COL7A1: variants seen among roughly 807,000 people sequenced by gnomAD.
COL7A1 encodes collagen alpha-1(VII) chain.
In COL7A1, 296 loss-of-function variants were observed where a neutral mutation model predicts 456.2. The ratio of observed to expected loss-of-function variants is 0.65; its 90% CI spans 0.59 to 0.71. The LOEUF is 0.71. Ranked by LOEUF, COL7A1 falls within the 30% of genes least tolerant of loss-of-function variation. COL7A1 has a pLI of 0.00. For synonymous variants in COL7A1, 1,464 were observed against 1,525.9 expected, an observed-to-expected ratio of 0.96 and a Z score of 0.95; for missense variants, 3,441 against 4,017.2, an observed-to-expected ratio of 0.86 and a Z score of 3.88.
Position 48,566,194 on chromosome 3 carries a change from G to T in COL7A1, c.8407+73C>A. The T allele has an allele frequency of 6.6e-7, 1 of 1,511,910 alleles. No individual in the cohort carries two copies. The highest frequency in any genetic ancestry group is 9.0e-7 in the Non-Finnish European group (1 of 1,108,956). The allele number at this position is 1,511,910 out of a possible 1,614,324, so 93.7% of individuals were successfully genotyped here. A position where few individuals can be genotyped will look rare whatever the true frequency, so the allele number is the denominator to read the frequency against. On this transcript the variant is annotated intron_variant, in intron 114 of 118. Coordinates refer to ENST00000681320, the MANE Select transcript of COL7A1 (RefSeq NM_000094.4). This position sits in a 1 kb window ranked among gnomAD's most constrained non-coding sequence, Gnocchi z 5.9. Reference sequence around the variant, plus strand: ...ATCTTCTTGACTGCTTGCCCTGTAAGTTCTAGGGGCCTGCCTGCCCTTGCC... The same window carrying T: ...ATCTTCTTGACTGCTTGCCCTGTAATTTCTAGGGGCCTGCCTGCCCTTGCC...
At position 48,571,354 on chromosome 3, in the gene COL7A1, C is replaced by T. The variant is rs1336399039; in HGVS notation, c.7069-76G>A. 11 of 1,571,014 alleles carry T rather than the reference C, an allele frequency of 7.0e-6. No homozygotes were observed. The East Asian group carries it at 2.5e-4, about 35-fold the overall frequency. ...AGTTCAGACACGGGCTGAAAATATT[C>T]CCAGGGGAGTTCTGATGTGACCATG... is the stretch of plus-strand genomic sequence containing the variant. On this transcript the variant is annotated intron_variant, in intron 92 of 118. Transcript: ENST00000681320. This position sits in a 1 kb window ranked among gnomAD's most constrained non-coding sequence, Gnocchi z 4.6.
Position 48,566,248 on chromosome 3 carries a change from C to A in COL7A1, c.8407+19G>T, listed in dbSNP as rs368960804. On this transcript the variant is annotated intron_variant, in intron 114 of 118. Coordinates refer to ENST00000681320, the MANE Select transcript of COL7A1 (RefSeq NM_000094.4). The surrounding 1 kb of genome is among the most constrained non-coding windows in gnomAD (Gnocchi z 5.9). ...GGTGCTGGGGTGGAGTGGGAGACTG[C>A]GGGCTGGGCACCACTCACCACAGTG... 108 of 1,592,202 alleles carry A rather than the reference C, an allele frequency of 6.8e-5. No individual in the cohort carries two copies. The highest frequency in any genetic ancestry group is 8.9e-5 in the Non-Finnish European group (104 of 1,170,600).
Position 48,583,822 on chromosome 3 carries a change from G to A in COL7A1, c.4279-42C>T. 7 of 1,613,434 alleles carry A rather than the reference G, an allele frequency of 4.3e-6. No individual in the cohort carries two copies. The highest frequency in any genetic ancestry group is 5.9e-6 in the Non-Finnish European group (7 of 1,179,632). ...AAAAATATGAGCCAAGAACTATGAA[G>A]CCCAGCACCCAACCACTGCCCCAGG... On this transcript the variant is annotated intron_variant, in intron 39 of 118. Transcript: ENST00000681320. This position sits in a 1 kb window ranked among gnomAD's most constrained non-coding sequence, Gnocchi z 5.1.
intron 71 of COL7A1, 83 bp downstream of exon 71, chr3:48,576,166 T>C (rs947831714): frequency 6.3e-7 from 1 of 1,594,960 alleles, no homozygotes; most frequent in Non-Finnish European, 8.6e-7. Context: ...CTATGGAGCC[T>C]CATGGCAAGG....
chr3:48,577,557 C>T lies in COL7A1; in HGVS notation c.5533-530G>A, dbSNP rs577001709. ...TGGGTGACCATATAAAGTCATGGGC[C>T]AGCATGTCCTAGCACATGTCACAGG... is the stretch of plus-strand genomic sequence containing the variant. On this transcript the variant is annotated intron_variant, in intron 65 of 118. Coordinates refer to ENST00000681320, the MANE Select transcript of COL7A1 (RefSeq NM_000094.4). Among the ~76,000 whole-genome samples, 4 of 152,302 alleles carry T rather than the reference C, an allele frequency of 2.6e-5. No individual in the cohort carries two copies. The South Asian group carries it at 8.3e-4, about 32-fold the overall frequency.
At position 48,566,451 on chromosome 3, in the gene COL7A1, G is replaced by A; in HGVS notation, c.8358+59C>T. On this transcript the variant is annotated intron_variant, in intron 113 of 118. Transcript: ENST00000681320. This position sits in a 1 kb window ranked among gnomAD's most constrained non-coding sequence, Gnocchi z 5.9. ...TCAGGGTGCTGGGTGAGGGAGGTAG[G>A]GCCCCAGCCCACCCAGGCCCACCCA... 6.2e-7 allele frequency: 1 copy of A among 1,610,016 alleles called. No homozygotes were observed. The highest frequency in any genetic ancestry group is 1.3e-5 in the African/African-American group (1 of 74,954).
At position 48,567,079 on chromosome 3, in the gene COL7A1, C is replaced by T. The variant is rs575419629; in HGVS notation, c.8109+49G>A. On this transcript the variant is annotated intron_variant, in intron 110 of 118. Coordinates refer to ENST00000681320, the MANE Select transcript of COL7A1 (RefSeq NM_000094.4). This position sits in a 1 kb window ranked among gnomAD's most constrained non-coding sequence, Gnocchi z 4.3. ...AGAGGCCCCAGAGATGGACCCTCTC[C>T]CAAAGTGCACGCTCCCCTCAATTCA... 6.2e-7 allele frequency: 1 copy of T among 1,613,414 alleles called. No homozygotes were observed. Among genetic ancestry groups the T allele is most frequent in the Admixed American group, 1.7e-5 (1 of 59,990 alleles).
chr3:48,580,806 TA>T lies in COL7A1; in HGVS notation c.4980+75del. On this transcript the variant is annotated intron_variant, in intron 54 of 118. Coordinates refer to ENST00000681320, the MANE Select transcript of COL7A1 (RefSeq NM_000094.4). The surrounding 1 kb of genome is among the most constrained non-coding windows in gnomAD (Gnocchi z 4.5). The stretch of plus-strand genomic sequence containing the variant: ...CCCTGCAGGGACTCCCATCACCCCT[TA>T]CCCCCCTCAGCCTTTCCTATCACCT... 6.3e-7 allele frequency: 1 copy of T among 1,595,060 alleles called. No homozygotes were observed. The highest frequency in any genetic ancestry group is 8.6e-7 in the Non-Finnish European group (1 of 1,163,164).
At chr3:48,576,124 T>C in intron 71 of COL7A1, 125 bp downstream of exon 71, 1 of 1,485,918 alleles carries the variant, frequency 6.7e-7, no homozygotes, top group African/African-American at 1.4e-5. Flanking sequence ...AGAACCCCAA[T>C]GGGGCAGGGC....
chr3:48,567,145 C>T lies in COL7A1; in HGVS notation c.8092G>A (p.Gly2698Ser). Residue 2698 changes from glycine (G) to serine (S), a missense_variant, in exon 110 of 119, where the codon GGC becomes AGC. This residue lies in a region of COL7A1 where 2,084 missense variants were observed against 2,501.3 expected (regional missense o/e 0.83). Coordinates refer to ENST00000681320, the MANE Select transcript of COL7A1 (RefSeq NM_000094.4). This position sits in a 1 kb window ranked among gnomAD's most constrained non-coding sequence, Gnocchi z 4.3. ...DGQPGPKGDQ[G>S]EKGERGTPGI... ...CAACTCACCCGCTCCCCTTTCTCGC[C>T]CTGGTCACCCTTGGGGCCTGGCTGC... 2 of 1,614,082 alleles carry T rather than the reference C, an allele frequency of 1.2e-6. No homozygotes were observed. The highest frequency in any genetic ancestry group is 1.7e-6 in the Non-Finnish European group (2 of 1,179,986).
In COL7A1 at chr3:48,574,967, C is replaced by T. The variant is rs2044187606; in HGVS notation, c.6279+97G>A. ...CAGAGGGTTATAGGGTCAGAAATTC[C>T]AGGGTTATGGCACACACTACCATAT... On this transcript the variant is annotated intron_variant, in intron 76 of 118. Coordinates refer to ENST00000681320, the MANE Select transcript of COL7A1 (RefSeq NM_000094.4). The surrounding 1 kb of genome is among the most constrained non-coding windows in gnomAD (Gnocchi z 5.0). 1 of 1,575,240 alleles carries T rather than the reference C, an allele frequency of 6.3e-7. No homozygotes were observed. Among genetic ancestry groups the T allele is most frequent in the South Asian group, 1.1e-5 (1 of 89,840 alleles).
rs983476178 is a variant in COL7A1 at position 48,570,884 on chromosome 3, G to C, written c.7249C>G (p.Gln2417Glu). ...GQTGPRGEMG[Q>E]PGPSGERGLA... ...ACCCGCTCTCCACTAGGGCCTGGCT[G>C]ACCCATCTCTCCTCGAGGGCCTGTC... The change falls in exon 95 of 119, where the codon CAG becomes GAG. Residue 2417 changes from glutamine to glutamate, a missense_variant. Coordinates refer to ENST00000681320, the MANE Select transcript of COL7A1 (RefSeq NM_000094.4). The surrounding 1 kb of genome is among the most constrained non-coding windows in gnomAD (Gnocchi z 5.5). 6.2e-7 allele frequency: 1 copy of C among 1,613,020 alleles called. No homozygotes were observed.
In COL7A1 at chr3:48,574,914, G is replaced by A. The variant is rs1251047055; in HGVS notation, c.6280-49C>T. 10 of 1,599,488 alleles carry A rather than the reference G, an allele frequency of 6.3e-6. No individual in the cohort carries two copies. In the South Asian group the frequency reaches 9.9e-5, roughly 16 times the overall value. On this transcript the variant is annotated intron_variant, in intron 76 of 118. Transcript: ENST00000681320. This position sits in a 1 kb window ranked among gnomAD's most constrained non-coding sequence, Gnocchi z 5.0. ...AGAGATGTCTCTGTCATAGAGGCAT[G>A]GGGGAGTCATCACAGATCTCAGGAT...
In COL7A1 at chr3:48,586,857, TGA is replaced by T. The variant is rs1176817485; in HGVS notation, c.3276+113_3276+114del. On this transcript the variant is annotated intron_variant, in intron 25 of 118. Coordinates refer to ENST00000681320, the MANE Select transcript of COL7A1 (RefSeq NM_000094.4). This position sits in a 1 kb window ranked among gnomAD's most constrained non-coding sequence, Gnocchi z 5.1. ...GGCAGTAGGTGAGGTCTGGAGCCTG[TGA>T]GAGAGCTGGGAGAATGCCTGAACCT... 3 of 1,525,806 alleles carry T rather than the reference TGA, an allele frequency of 2.0e-6. No homozygotes were observed. The highest frequency in any genetic ancestry group is 2.7e-6 in the Non-Finnish European group (3 of 1,126,678). The allele number at this position is 1,525,806 out of a possible 1,614,324, so 94.5% of individuals were successfully genotyped here.
At position 48,588,516 on chromosome 3, in the gene COL7A1, C is replaced by T. The variant is rs377520290; in HGVS notation, c.2588-112G>A. Reference sequence around the variant, plus strand: ...CCAGCCTCTCAGACCCCTCTCCCTCCTCTCAGACCCTGCCCCCAAAGGCTC... The same window carrying T: ...CCAGCCTCTCAGACCCCTCTCCCTCTTCTCAGACCCTGCCCCCAAAGGCTC... On this transcript the variant is annotated intron_variant, in intron 20 of 118. Transcript: ENST00000681320. This position sits in a 1 kb window ranked among gnomAD's most constrained non-coding sequence, Gnocchi z 4.6. 5 of 1,600,276 alleles carry T rather than the reference C, an allele frequency of 3.1e-6. No individual in the cohort carries two copies. In the African/African-American group the frequency reaches 5.3e-5, roughly 17 times the overall value.
Position 48,575,284 on chromosome 3 carries a change from T to TTGCCCC in COL7A1, c.6181-43_6181-42insGGGGCA. On this transcript the variant is annotated intron_variant, in intron 74 of 118. Transcript: ENST00000681320. This position sits in a 1 kb window ranked among gnomAD's most constrained non-coding sequence, Gnocchi z 6.3. ...GGGTGAGGGCCAAGCCCATGGGGGGTCCCACCCCTCCCAACCCCTCTTCCC... is the reference window on the plus strand; with the variant it reads ...GGGTGAGGGCCAAGCCCATGGGGGGTTGCCCCCCCACCCCTCCCAACCCCTCTTCCC... The TTGCCCC allele has an allele frequency of 2.6e-6, 4 of 1,533,446 alleles. No individual in the cohort carries two copies. Among genetic ancestry groups the TTGCCCC allele is most frequent in the Non-Finnish European group, 3.6e-6 (4 of 1,110,796 alleles). 95.0% of individuals were successfully genotyped at this position (1,533,446 alleles called of 1,614,324 possible). A position where few individuals can be genotyped will look rare whatever the true frequency, so the allele number is the denominator to read the frequency against.
In COL7A1 at chr3:48,589,453, A is replaced by G. The variant is rs1575482956; in HGVS notation, c.2188T>C (p.Leu730=). The change falls in exon 18 of 119, where the codon TTG becomes CTG. Residue 730 remains leucine, a synonymous_variant. Coordinates refer to ENST00000681320, the MANE Select transcript of COL7A1 (RefSeq NM_000094.4). The part of the protein sequence containing the change: ...HSAHGPEKSQ[L]VSGEATVAEL... ...GCCACCGTGGCCTCCCCAGAAACCA[A>G]CTGGGATTTCTCTGGGCCTGGGAAC... 1 of 1,613,654 alleles carries G rather than the reference A, an allele frequency of 6.2e-7. No homozygotes were observed. Among genetic ancestry groups the G allele is most frequent in the Non-Finnish European group, 8.5e-7 (1 of 1,179,994 alleles).
At position 48,566,747 on chromosome 3, in the gene COL7A1, A is replaced by G. The variant is rs374975690; in HGVS notation, c.8227-10T>C. The G allele has an allele frequency of 6.2e-7, 1 of 1,613,452 alleles. No homozygotes were observed. Among genetic ancestry groups the G allele is most frequent in the African/African-American group, 1.3e-5 (1 of 74,892 alleles). On this transcript the variant is annotated splice_polypyrimidine_tract_variant and intron_variant, in intron 111 of 118. Transcript: ENST00000681320. This position sits in a 1 kb window ranked among gnomAD's most constrained non-coding sequence, Gnocchi z 5.9. The stretch of plus-strand genomic sequence containing the variant: ...GGGGACCTCGCTCACCCTGTCAGAC[A>G]CAGGGACCAAGTGAGCAGGGTCAGA...
Position 48,590,158 on chromosome 3 carries a change from G to C in COL7A1, c.2050+55C>G. On this transcript the variant is annotated intron_variant, in intron 16 of 118. Transcript: ENST00000681320. This position sits in a 1 kb window ranked among gnomAD's most constrained non-coding sequence, Gnocchi z 4.6. Reference sequence around the variant, plus strand: ...GCAAGGGTCTGCAAGGGAAGGCATGGGGGTCTGAAAGAGCAATGGAGGCAG... The same window carrying C: ...GCAAGGGTCTGCAAGGGAAGGCATGCGGGTCTGAAAGAGCAATGGAGGCAG... The C allele has an allele frequency of 6.3e-7, 1 of 1,594,528 alleles. No individual in the cohort carries two copies.
Sources: gnomAD v4.1 joint callset for allele counts (sites outside exome capture counted in the v4.1 genomes callset) on GRCh38, gnomAD v4.1.1 for gene constraint, gnomAD v4.1.1 regional missense constraint, Gnocchi (gnomAD v3.1) non-coding constraint, MANE v1.5 for transcripts, NCBI Gene and HGNC (gene_info 2026-07-23, HGNC 2026-07-21) for gene names.